PTGIS: variants seen among roughly 807,000 people sequenced by gnomAD.
PTGIS encodes the protein prostaglandin I2 synthase, also known as prostacyclin synthase.
Under a neutral mutation model 50.3 loss-of-function variants are expected in PTGIS, and 45 were observed. The observed-to-expected ratio is 0.90, with a 90% confidence interval of 0.70 to 1.15. PTGIS has a LOEUF of 1.15. PTGIS is among the 50% of genes most tolerant of loss of function. The pLI, the probability that PTGIS is intolerant of heterozygous loss-of-function variation, is 0.00. For missense variants in PTGIS, 668 were observed against 661.3 expected (o/e 1.01, Z -0.11); for synonymous variants, 260 against 267.7 (o/e 0.97, Z 0.28).
intron 3 of PTGIS, among the ~76,000 whole-genome samples, chr20:49,547,016 G>A (rs1982376751): frequency 6.6e-6 from 1 of 152,238 alleles, no homozygotes; most frequent in African/African-American, 2.4e-5. Context: ...CAGACCACCT[G>A]AGGTCAGGAG....
chr20:49,515,486 G>A (rs1020646380), intron 6 of PTGIS, among the ~76,000 whole-genome samples: 1 of 152,168 alleles, frequency 6.6e-6, no homozygotes, highest in Admixed American at 6.5e-5. Context: ...TTTGGGGGAA[G>A]GTTTTTGTCT....
rs367773133 is a variant in PTGIS at position 49,560,882 on chromosome 20, G to A, written c.74+7161C>T. On this transcript the variant is annotated intron_variant, in intron 1 of 9. Transcript: ENST00000244043. ...TGGGAGTCCGGCTCCTATGCCACGC[G>A]TGGCAGGGATCCACTGGAGGGTTTG... Among the ~76,000 whole-genome samples the A allele has an allele frequency of 2.2e-4, 33 of 152,258 alleles. No homozygotes were observed. In the South Asian group the frequency reaches 2.9e-3, roughly 13 times the overall value.
At chr20:49,517,547 C>A (rs1981520311) in intron 6 of PTGIS, among the ~76,000 whole-genome samples, 1 of 152,156 alleles carries the variant, frequency 6.6e-6, no homozygotes, top group Admixed American at 6.5e-5. Flanking sequence ...GGAGCCTTGC[C>A]TCCGTTTACT....
intron 5 of PTGIS, among the ~76,000 whole-genome samples, chr20:49,536,493 T>TCTTTCTTTCTTTCTTTCTTTCTTTCTTTC (rs1568677945): frequency 1.4e-5 from 2 of 144,300 alleles, no homozygotes; most frequent in African/African-American, 5.2e-5. Flanking sequence ...TTTTTTTTTT[T>TCTTTCTTTCTTTCTTTCTTTCTTTCTTTC]TTTTTGAGAC....
At chr20:49,547,120 T>C (rs2122886225) in intron 3 of PTGIS, among the ~76,000 whole-genome samples, 1 of 152,290 alleles carries the variant, frequency 6.6e-6, no homozygotes, top group South Asian at 2.1e-4. Flanking sequence ...TAATCCCAGC[T>C]ACCTGGGAGG....
At chr20:49,551,185 C>T (rs1022989136) in intron 1 of PTGIS, among the ~76,000 whole-genome samples, 1 of 151,966 alleles carries the variant, frequency 6.6e-6, no homozygotes, top group South Asian at 2.1e-4. Context: ...CCAGCCAGGG[C>T]GACAAAGCAA....
intron 5 of PTGIS, among the ~76,000 whole-genome samples, chr20:49,526,516 A>T (rs1696447393): frequency 6.6e-6 from 1 of 152,214 alleles, no homozygotes; most frequent in Admixed American, 6.5e-5. Flanking sequence ...TAAGCAAAAA[A>T]GGTAATGCAG....
intron 6 of PTGIS, among the ~76,000 whole-genome samples, chr20:49,514,676 CAG>C (rs771390832): frequency 7.9e-5 from 12 of 151,468 alleles, no homozygotes; most frequent in Non-Finnish European, 1.5e-4. Flanking sequence ...ATCAGCAAAA[CAG>C]TGTCAGTAAT....
In PTGIS at chr20:49,524,163, G is replaced by A. The variant is rs139514463; in HGVS notation, c.750C>T (p.Ala250=). The A allele has an allele frequency of 2.8e-4, 453 of 1,614,198 alleles. 1 individual carries two copies. Among genetic ancestry groups the A allele is most frequent in the Admixed American group, 4.0e-4 (24 of 60,030 alleles). ...AACTCTCCAGCCATTTGCTCCGGTG[G>A]GCCCGCCTGGCCAGCCTGGCTGGGG... ...LLSPARLARR[A]HRSKWLESYL... Residue 250 remains alanine, a synonymous_variant, in exon 6 of 10, where the codon GCC becomes GCT. Coordinates refer to ENST00000244043, the MANE Select transcript of PTGIS (RefSeq NM_000961.4).
intron 2 of PTGIS, among the ~76,000 whole-genome samples, chr20:49,548,366 T>A (rs992237954): frequency 6.6e-6 from 1 of 152,208 alleles, no homozygotes; most frequent in African/African-American, 2.4e-5. Flanking sequence ...ATTATCTTGG[T>A]TATTGCCATA....
rs114778215 is a variant in PTGIS at position 49,561,936 on chromosome 20, A to G, written c.74+6107T>C. 6.1e-3 allele frequency among the ~76,000 whole-genome samples: 933 copies of G among 152,278 alleles called. 8 individuals carry two copies. The highest frequency in any genetic ancestry group is 0.018 in the African/African-American group (750 of 41,556). On this transcript the variant is annotated intron_variant, in intron 1 of 9. Transcript: ENST00000244043. ...TCCTTGTTTGGAAATAATGGCTAAC[A>G]TTTAATGAACGCTGATGGTGTGGGA...
Position 49,540,843 on chromosome 20 carries a change from G to A in PTGIS, c.522-1122C>T, listed in dbSNP as rs6091001. Among the ~76,000 whole-genome samples the A allele has an allele frequency of 0.024, 3,680 of 152,254 alleles. 141 individuals carry two copies. The highest frequency in any genetic ancestry group is 0.078 in the African/African-American group (3,222 of 41,520). ...CAGCAGAGAGTCACAACAAAGAGAC[G>A]CAACCAAAGCCCCGGGGCCTCACCC... is the stretch of plus-strand genomic sequence containing the variant. On this transcript the variant is annotated intron_variant, in intron 4 of 9. Transcript: ENST00000244043. The surrounding 1 kb of genome is among the most constrained non-coding windows in gnomAD (Gnocchi z 4.8).
rs74590644 is a variant in PTGIS, at chr20:49,530,530, T to C, written c.674-6291A>G. ...GTTCTCCATGATGGCTATACCAATT[T>C]AAATTCCCACCACCAGTGCGAAAGA... On this transcript the variant is annotated intron_variant, in intron 5 of 9. Coordinates refer to ENST00000244043, the MANE Select transcript of PTGIS (RefSeq NM_000961.4). Among the ~76,000 whole-genome samples the C allele has an allele frequency of 2.6e-3, 392 of 152,334 alleles. 3 individuals are homozygous for C. The highest frequency in any genetic ancestry group is 0.017 in the Middle Eastern group (5 of 294).
At chr20:49,532,179 A>G (rs1185401807) in intron 5 of PTGIS, among the ~76,000 whole-genome samples, 1 of 152,222 alleles carries the variant, frequency 6.6e-6, no homozygotes, top group Non-Finnish European at 1.5e-5. Context: ...TGGCTTAAAT[A>G]AAATGTATTA....
At position 49,540,795 on chromosome 20, in the gene PTGIS, C is replaced by T. The variant is rs535630053; in HGVS notation, c.522-1074G>A. ...TCAGTCCTGGGAGGGAAACTGCAGG[C>T]TTTCATTTTGTCATCTCTGCCTCAG... On this transcript the variant is annotated intron_variant, in intron 4 of 9. Coordinates refer to ENST00000244043, the MANE Select transcript of PTGIS (RefSeq NM_000961.4). The surrounding 1 kb of genome is among the most constrained non-coding windows in gnomAD (Gnocchi z 4.8). Among the ~76,000 whole-genome samples, 8 of 152,200 alleles carry T rather than the reference C, an allele frequency of 5.3e-5. No homozygotes were observed. The highest frequency in any genetic ancestry group is 2.9e-5 in the Non-Finnish European group (2 of 68,038).
chr20:49,535,491 G>T (rs919993465), intron 5 of PTGIS, among the ~76,000 whole-genome samples: 1 of 152,110 alleles, frequency 6.6e-6, no homozygotes, highest in Non-Finnish European at 1.5e-5. Flanking sequence ...CCATGTGAGG[G>T]CTAAAAAAAT....
chr20:49,534,325 C>T (rs1601190879), intron 5 of PTGIS, among the ~76,000 whole-genome samples: 1 of 152,198 alleles, frequency 6.6e-6, no homozygotes, highest in South Asian at 2.1e-4. Flanking sequence ...AAAGAGGCTG[C>T]AATGCTTCAA....
chr20:49,552,224 G>C (rs867845208), intron 1 of PTGIS, among the ~76,000 whole-genome samples: 2 of 152,034 alleles, frequency 1.3e-5, no homozygotes, highest in African/African-American at 4.8e-5. Flanking sequence ...GAGAGGGAGT[G>C]GTTAAAATAC....
intron 6 of PTGIS, among the ~76,000 whole-genome samples, chr20:49,521,221 A>G (rs992686643): frequency 6.6e-6 from 1 of 152,182 alleles, no homozygotes; most frequent in African/African-American, 2.4e-5. Flanking sequence ...CATTTTACAG[A>G]TGAGTAAACC....
Sources: allele counts gnomAD v4.1 joint callset (sites outside exome capture counted in the v4.1 genomes callset), GRCh38; gene constraint gnomAD v4.1.1; non-coding constraint Gnocchi (gnomAD v3.1); transcripts MANE v1.5; gene names NCBI Gene and HGNC (gene_info 2026-07-23, HGNC 2026-07-21).